LYPD6: variants seen among roughly 807,000 people sequenced by gnomAD.
LYPD6 encodes the protein ly6/PLAUR domain-containing protein 6.
Under a neutral mutation model 22.7 loss-of-function variants are expected in LYPD6, and 15 were observed. The ratio of observed to expected loss-of-function variants is 0.66; its 90% CI spans 0.44 to 1.02. The LOEUF is 1.02. Ranked by LOEUF, LYPD6 falls within the 50% of genes least tolerant of loss-of-function variation. The pLI is 0.00. For missense variants in LYPD6, 189 were observed against 208.4 expected (o/e 0.91, Z 0.57); for synonymous variants, 72 against 77.5 (o/e 0.93, Z 0.37).
At chr2:149,450,685 T>C (rs1022745773) in intron 3 of LYPD6, among the ~76,000 whole-genome samples, 1 of 152,232 alleles carries the variant, frequency 6.6e-6, no homozygotes, top group Admixed American at 6.5e-5. Context: ...ACATTACCAC[T>C]GTGGAATGAA....
intron 1 of LYPD6, among the ~76,000 whole-genome samples, chr2:149,406,436 A>G (rs1282958676): frequency 2.6e-5 from 4 of 151,544 alleles, no homozygotes; most frequent in South Asian, 4.2e-4. Flanking sequence ...GTGCATATAT[A>G]TTTAGGATAG....
intron 1 of LYPD6, among the ~76,000 whole-genome samples, chr2:149,377,781 A>ACCCCCCCCCCC (rs70994571): frequency 3.2e-5 from 3 of 94,250 alleles, no homozygotes; most frequent in Non-Finnish European, 6.7e-5. Flanking sequence ...CTTTGTCCCC[A>ACCCCCCCCCCC]CCCCCCCCCC....
rs35923768 is a variant in LYPD6 at position 149,459,901 on chromosome 2, C to CAAA, written c.218-8730_218-8728dup. On this transcript the variant is annotated intron_variant, in intron 3 of 4. Transcript: ENST00000334166. ...TGGGTGACAGAGTAAGACTTTGTCT[C>CAAA]AAAAAAAAAAAAAAAATTATTACAA... 2.4e-3 allele frequency among the ~76,000 whole-genome samples: 334 copies of CAAA among 137,520 alleles called. 3 individuals carry two copies. Among genetic ancestry groups the CAAA allele is most frequent in the African/African-American group, 9.0e-3 (321 of 35,746 alleles). 90.2% of individuals were successfully genotyped at this position (137,520 alleles called of 152,430 possible). A position where few individuals can be genotyped will look rare whatever the true frequency, so the allele number is the denominator to read the frequency against.
chr2:149,462,778 G>A (rs1485519960), intron 3 of LYPD6, among the ~76,000 whole-genome samples: 2 of 151,998 alleles, frequency 1.3e-5, no homozygotes, highest in Non-Finnish European at 2.9e-5. Flanking sequence ...TAACAAAGGT[G>A]TAAAAGCAAT....
At chr2:149,475,551 A>T (rs1230631431), downstream of LYPD6, among the ~76,000 whole-genome samples, 2 of 152,242 alleles carry the variant, frequency 1.3e-5, no homozygotes, top group Non-Finnish European at 2.9e-5. Context: ...TAGCTCTTGT[A>T]AAAAATTATG....
rs181785571 is a variant in LYPD6 at position 149,413,490 on chromosome 2, C to T, written c.-71-24148C>T. Among the ~76,000 whole-genome samples the T allele has an allele frequency of 9.0e-4, 137 of 152,278 alleles. 1 individual carries two copies. The highest frequency in any genetic ancestry group is 3.4e-3 in the Middle Eastern group (1 of 294). On this transcript the variant is annotated intron_variant, in intron 1 of 4. Transcript: ENST00000334166. The stretch of plus-strand genomic sequence containing the variant: ...TTACCACACTACAGTTTATCTGGCC[C>T]GAAATTCTTTTAGTTGTTCATCTCC...
intron 1 of LYPD6, among the ~76,000 whole-genome samples, chr2:149,346,469 T>A (rs1443614372): frequency 2.0e-5 from 3 of 152,202 alleles, no homozygotes; most frequent in African/African-American, 7.2e-5. Flanking sequence ...TGTTTTGGCA[T>A]GTTACAGCAT....
At chr2:149,425,502 CA>C (rs1237824025) in intron 1 of LYPD6, among the ~76,000 whole-genome samples, 2 of 152,118 alleles carry the variant, frequency 1.3e-5, no homozygotes, top group African/African-American at 4.8e-5. Context: ...GGAGGCTACT[CA>C]GTACTTTTTT....
chr2:149,470,357 G>A (rs894346709), intron 4 of LYPD6, among the ~76,000 whole-genome samples: 2 of 152,128 alleles, frequency 1.3e-5, no homozygotes, highest in African/African-American at 4.8e-5. Flanking sequence ...GGAAAAACAC[G>A]GACGAGTTTC....
chr2:149,397,881 G>A (rs1405433671), intron 1 of LYPD6, among the ~76,000 whole-genome samples: 3 of 152,040 alleles, frequency 2.0e-5, no homozygotes, highest in African/African-American at 7.2e-5. Flanking sequence ...CTTATTAACA[G>A]ACCTTTGGAG....
intron 2 of LYPD6, among the ~76,000 whole-genome samples, chr2:149,445,637 T>C (rs1010127181): frequency 1.3e-5 from 2 of 152,228 alleles, no homozygotes; most frequent in African/African-American, 4.8e-5. Context: ...CTCTGCTAGC[T>C]GCAGACTTTT....
intron 1 of LYPD6, among the ~76,000 whole-genome samples, chr2:149,338,138 A>G (rs1301601897): frequency 1.3e-5 from 2 of 152,230 alleles, no homozygotes; most frequent in Admixed American, 6.5e-5. Context: ...GTTTTTATGT[A>G]GAACAATTTG....
At chr2:149,361,489 G>C (rs984559311) in intron 1 of LYPD6, among the ~76,000 whole-genome samples, 1 of 152,092 alleles carries the variant, frequency 6.6e-6, no homozygotes, top group Non-Finnish European at 1.5e-5. Context: ...GGCGTATTCT[G>C]GTCTCTTAAA....
chr2:149,382,472 C>T (rs1487850219), intron 1 of LYPD6, among the ~76,000 whole-genome samples: 1 of 152,160 alleles, frequency 6.6e-6, no homozygotes, highest in Non-Finnish European at 1.5e-5. Context: ...TTAAAATCAA[C>T]TCTTTGGCAT....
At chr2:149,351,498 A>G (rs140272134) in intron 1 of LYPD6, among the ~76,000 whole-genome samples, 10 of 152,214 alleles carry the variant, frequency 6.6e-5, no homozygotes, top group Middle Eastern at 3.4e-3. Context: ...GCATTAGTAC[A>G]TACTGATCTT....
intron 1 of LYPD6, among the ~76,000 whole-genome samples, chr2:149,384,321 A>C (rs543038725): frequency 2.0e-5 from 3 of 152,020 alleles, no homozygotes; most frequent in Admixed American, 6.6e-5. Flanking sequence ...CTTATCACAA[A>C]CTCCTGGGCA....
chr2:149,425,608 C>G (rs1027134632), intron 1 of LYPD6, among the ~76,000 whole-genome samples: 1 of 152,176 alleles, frequency 6.6e-6, no homozygotes, highest in Admixed American at 6.5e-5. Flanking sequence ...CCTTTTCTAC[C>G]TGAGTGAATG....
intron 1 of LYPD6, among the ~76,000 whole-genome samples, chr2:149,423,292 G>T (rs923087997): frequency 6.6e-6 from 1 of 152,130 alleles, no homozygotes; most frequent in Admixed American, 6.5e-5. Context: ...ATAAAGGAAG[G>T]TTCTCTTAAA....
intron 1 of LYPD6, among the ~76,000 whole-genome samples, chr2:149,373,006 T>C (rs1681843705): frequency 6.6e-6 from 1 of 152,100 alleles, no homozygotes; most frequent in South Asian, 2.1e-4. Context: ...GATTTGTGCT[T>C]TGAGTAGCTC....
Sources: gnomAD v4.1 joint callset for allele counts (sites outside exome capture counted in the v4.1 genomes callset) on GRCh38, gnomAD v4.1.1 for gene constraint, MANE v1.5 for transcripts, NCBI Gene and HGNC (gene_info 2026-07-23, HGNC 2026-07-21) for gene names.